The following RAPGEF2 variants were observed in gnomAD, a reference collection of about 807,000 sequenced individuals.
The protein encoded by RAPGEF2 is Rap guanine nucleotide exchange factor 2, also known as PDZ domain containing guanine nucleotide exchange factor (GEF) 1.
Under a neutral mutation model 186.7 loss-of-function variants are expected in RAPGEF2, and 54 were observed. The ratio of observed to expected loss-of-function variants is 0.29; its 90% CI spans 0.23 to 0.36. RAPGEF2 has a LOEUF of 0.36. Ranked by LOEUF, RAPGEF2 falls within the 10% of genes least tolerant of loss-of-function variation. The pLI, the probability that RAPGEF2 is intolerant of heterozygous loss-of-function variation, is 1.00. For synonymous variants in RAPGEF2, 712 were observed against 705.9 expected, an observed-to-expected ratio of 1.01 and a Z score of -0.14; for missense variants, 1,532 against 2,045.0, an observed-to-expected ratio of 0.75 and a Z score of 4.84.
chr4:159,342,845 G>T (rs1185810190), intron 20 of RAPGEF2, 134 bp from the exon 21 acceptor site: 2 of 846,358 alleles, frequency 2.4e-6, no homozygotes, highest in Non-Finnish European at 1.8e-6. Context: ...GAATTATCAT[G>T]AACAGTTTCT....
chr4:159,143,513 G>A (rs368806384), intron 1 of RAPGEF2, among the ~76,000 whole-genome samples: 1 of 151,958 alleles, frequency 6.6e-6, no homozygotes, highest in South Asian at 2.1e-4. Context: ...ATATTCCACC[G>A]GGCCCATAAC....
At chr4:159,130,573 A>T (rs956955321) in intron 1 of RAPGEF2, among the ~76,000 whole-genome samples, 7 of 152,198 alleles carry the variant, frequency 4.6e-5, no homozygotes, top group African/African-American at 1.7e-4. Context: ...TGAATTTCGG[A>T]TCTAAAGTCT....
At chr4:159,171,706 C>T (rs145621990) in intron 1 of RAPGEF2, among the ~76,000 whole-genome samples, 163 of 151,396 alleles carry the variant, frequency 1.1e-3, no homozygotes, top group African/African-American at 3.7e-3. Context: ...AAGAATCTTT[C>T]ATGGGATAGG....
At chr4:159,114,762 T>C (rs1331739878) in intron 1 of RAPGEF2, among the ~76,000 whole-genome samples, 1 of 152,186 alleles carries the variant, frequency 6.6e-6, no homozygotes, top group East Asian at 1.9e-4. Context: ...AAATTTAAAT[T>C]GTAGATTCTC....
intron 8 of RAPGEF2, among the ~76,000 whole-genome samples, 169 bp downstream of exon 8, chr4:159,304,642 ACTG>A (rs1268479627): frequency 6.6e-6 from 1 of 151,874 alleles, no homozygotes; most frequent in Non-Finnish European, 1.5e-5. Flanking sequence ...AGGGTGTAGA[ACTG>A]CTGTCTGATT....
intron 4 of RAPGEF2, among the ~76,000 whole-genome samples, chr4:159,213,555 C>T (rs1428370133): frequency 4.6e-5 from 7 of 152,028 alleles, no homozygotes; most frequent in Admixed American, 1.3e-4. Context: ...TGATTTCATC[C>T]GGTGAAAAGG....
chr4:159,158,396 A>C (rs1209103604), intron 1 of RAPGEF2, among the ~76,000 whole-genome samples: 2 of 152,220 alleles, frequency 1.3e-5, no homozygotes, highest in Non-Finnish European at 2.9e-5. Context: ...TGAGTCTAAA[A>C]GGACTTTAAG....
intron 7 of RAPGEF2, chr4:159,266,905 A>G (rs1181207410): frequency 5.5e-6 from 1 of 181,798 alleles, no homozygotes; most frequent in Non-Finnish European, 1.2e-5. Context: ...TCAGCAATCA[A>G]TGGATTCCAT....
At chr4:159,163,968 G>T (rs994232451) in intron 1 of RAPGEF2, among the ~76,000 whole-genome samples, 9 of 151,640 alleles carry the variant, frequency 5.9e-5, no homozygotes, top group Admixed American at 1.3e-4. Flanking sequence ...TTCAAAGTTT[G>T]TTGGGTAGAT....
At chr4:159,288,278 C>T (rs1239079962) in intron 7 of RAPGEF2, among the ~76,000 whole-genome samples, 3 of 152,108 alleles carry the variant, frequency 2.0e-5, no homozygotes, top group Non-Finnish European at 4.4e-5. Flanking sequence ...TTTGGTTATC[C>T]ACTCACATAA....
At chr4:159,211,111 G>A (rs917215681) in intron 4 of RAPGEF2, among the ~76,000 whole-genome samples, 14 of 152,124 alleles carry the variant, frequency 9.2e-5, no homozygotes, top group Non-Finnish European at 1.9e-4. Flanking sequence ...CTGTGTCTTT[G>A]GCTTGTATGT....
intron 7 of RAPGEF2, among the ~76,000 whole-genome samples, chr4:159,304,078 C>T (rs138288911): frequency 1.7e-3 from 264 of 152,048 alleles, no homozygotes; most frequent in African/African-American, 5.9e-3. Context: ...AATTAAATAC[C>T]CAAGTTTATC....
chr4:159,261,521 G>C (rs566787464), intron 7 of RAPGEF2, among the ~76,000 whole-genome samples: 3 of 152,282 alleles, frequency 2.0e-5, no homozygotes, highest in African/African-American at 7.2e-5. Flanking sequence ...AGCAACACAA[G>C]TGAATATTAA....
chr4:159,198,254 T>G (rs1748907789), intron 3 of RAPGEF2, among the ~76,000 whole-genome samples: 1 of 103,502 alleles, frequency 9.7e-6, no homozygotes, highest in African/African-American at 4.3e-5. Context: ...CTTCCTTTCT[T>G]TCTTTCTCTT....
intron 2 of RAPGEF2, among the ~76,000 whole-genome samples, chr4:159,188,540 T>A (rs1377943666): frequency 6.6e-6 from 1 of 151,470 alleles, no homozygotes; most frequent in African/African-American, 2.4e-5. Context: ...GGCAAACGCT[T>A]ATAATCCCAG....
chr4:159,345,066 A>T (rs1300208957), intron 23 of RAPGEF2, 40 bp from the exon 24 acceptor site: 1 of 1,527,872 alleles, frequency 6.5e-7, no homozygotes, highest in East Asian at 2.3e-5. Flanking sequence ...AAGTACTCCC[A>T]TGCTAGAGTG....
chr4:159,345,368 G>C, intron 24 of RAPGEF2, 39 bp downstream of exon 24: 5 of 1,593,136 alleles, frequency 3.1e-6, no homozygotes, highest in Non-Finnish European at 4.3e-6. Context: ...CTTTGGCTAG[G>C]ATGCAGATTT....
chr4:159,325,828 G>C (rs1353862449), intron 11 of RAPGEF2, among the ~76,000 whole-genome samples: 1 of 152,112 alleles, frequency 6.6e-6, no homozygotes, highest in Non-Finnish European at 1.5e-5. Context: ...GAGGAAGTAG[G>C]GGTTATGTTA....
chr4:159,358,054 T>A lies in RAPGEF2; in HGVS notation c.4958-60T>A, dbSNP rs1219605559. The A allele has an allele frequency of 3.3e-6, 5 of 1,534,856 alleles. No homozygotes were observed. The African/African-American group carries it at 6.8e-5, about 21-fold the overall frequency. On this transcript the variant is annotated intron_variant, in intron 29 of 29. Coordinates refer to ENST00000691494, the MANE Select transcript of RAPGEF2 (RefSeq NM_001394067.2). Reference sequence around the variant, plus strand: ...AGCACATCAGTGAATATATTCTCTATAGCACAAGAAATTACTTGCTTGCTC... The same window carrying A: ...AGCACATCAGTGAATATATTCTCTAAAGCACAAGAAATTACTTGCTTGCTC...
Sources: gnomAD v4.1 joint callset for allele counts (sites outside exome capture counted in the v4.1 genomes callset) on GRCh38, gnomAD v4.1.1 for gene constraint, MANE v1.5 for transcripts, NCBI Gene and HGNC (gene_info 2026-07-23, HGNC 2026-07-21) for gene names.